MAP1A: variants seen among roughly 807,000 people sequenced by gnomAD.
MAP1A encodes the protein microtubule associated protein 1A, also known as microtubule-associated protein 1A.
A neutral mutation model predicts 185.9 loss-of-function variants in MAP1A; 42 were observed. The ratio of observed to expected loss-of-function variants is 0.23; its 90% confidence interval spans 0.18 to 0.29. The LOEUF (loss-of-function observed/expected upper bound fraction) is 0.29, where lower values mean the gene tolerates loss of function less well. Ranked by LOEUF, MAP1A falls within the 10% of genes least tolerant of loss-of-function variation. The pLI, the probability that MAP1A is intolerant of heterozygous loss-of-function variation, is 1.00. For synonymous variants in MAP1A, 1,229 were observed against 1,335.9 expected, an observed-to-expected ratio of 0.92 and a Z score of 1.74; for missense variants, 2,995 against 3,450.4, an observed-to-expected ratio of 0.87 and a Z score of 3.31.
chr15:43,515,099 C>T (rs1420889046), upstream of MAP1A, among the ~76,000 whole-genome samples: 1 of 152,098 alleles, frequency 6.6e-6, no homozygotes, highest in Non-Finnish European at 1.5e-5. Context: ...CCTGTAATCC[C>T]AGCTACTCGG....
chr15:43,512,579 T>C (rs1460863551), intron 2 of MAP1A, among the ~76,000 whole-genome samples: 1 of 152,224 alleles, frequency 6.6e-6, no homozygotes, highest in African/African-American at 2.4e-5. Context: ...CTCTTAGTGA[T>C]CAATCATCTC....
chr15:43,521,772 G>A lies in MAP1A; in HGVS notation c.299G>A (p.Gly100Glu). 6.2e-7 allele frequency: 1 copy of A among 1,614,226 alleles called. No individual in the cohort carries two copies. The change falls in exon 4 of 6, where the codon GGA becomes GAA. Residue 100 changes from glycine (G) to glutamate (E), a missense_variant. This residue lies in a region of MAP1A where 264 missense variants were observed against 435.3 expected (regional missense o/e 0.61). Coordinates refer to ENST00000300231, the MANE Select transcript of MAP1A (RefSeq NM_002373.6). This position sits in a 1 kb window ranked among gnomAD's most constrained non-coding sequence, Gnocchi z 4.6. ...GCAGACAACCTGCCAGGCATCAATG[G>A]ACTACTGCAGCGCAAAGTGGCAGAG... The part of the protein sequence containing the change: ...IGADNLPGIN[G>E]LLQRKVAELE...
At chr15:43,511,104 G>A (rs2079274552) in exon 1 of MAP1A, 1 of 1,550,292 alleles carries the variant, frequency 6.5e-7, no homozygotes, top group African/African-American at 1.4e-5. Context: ...GAGCTGCTGT[G>A]CGAGGCCGGA....
Position 43,530,295 on chromosome 15 carries a change from T to C in MAP1A, c.*71T>C. The C allele has an allele frequency of 6.3e-7, 1 of 1,581,340 alleles. No individual in the cohort carries two copies. The highest frequency in any genetic ancestry group is 1.2e-5 in the South Asian group (1 of 85,504). On this transcript the variant is annotated 3_prime_UTR_variant, in exon 6 of 6. Transcript: ENST00000300231. The stretch of plus-strand genomic sequence containing the variant: ...TAGAGAATGGCTACTGCTGAGTCCT[T>C]TGGGGTTGAGGGAGATGGGAGCTAG...
Position 43,523,267 on chromosome 15 carries a change from G to A in MAP1A, c.1794G>A (p.Glu598=). 6.2e-7 allele frequency: 1 copy of A among 1,613,786 alleles called. No homozygotes were observed. Residue 598 remains glutamate, a synonymous_variant, in exon 4 of 6, where the codon GAG becomes GAA. Transcript: ENST00000300231. The part of the protein sequence containing the change: ...HVMKEKELVP[E]VPEEQGSKDR... The stretch of plus-strand genomic sequence containing the variant: ...TGAAGGAGAAAGAGCTTGTCCCAGA[G>A]GTCCCTGAGGAACAAGGCAGCAAGG...
At position 43,521,093 on chromosome 15, in the gene MAP1A, A is replaced by G; in HGVS notation, c.-170A>G. 1 of 1,548,494 alleles carries G rather than the reference A, an allele frequency of 6.5e-7. No homozygotes were observed. The highest frequency in any genetic ancestry group is 8.7e-7 in the Non-Finnish European group (1 of 1,146,964). ...ACCTACTCATATGAAAACTTTGCCC[A>G]GGTCCTTCACAACCCCGAGGTAAGT... On this transcript the variant is annotated 5_prime_UTR_variant, in exon 3 of 6. Transcript: ENST00000300231. This position sits in a 1 kb window ranked among gnomAD's most constrained non-coding sequence, Gnocchi z 4.6.
chr15:43,518,585 G>T (rs534970762), intron 1 of MAP1A, among the ~76,000 whole-genome samples: 1 of 152,090 alleles, frequency 6.6e-6, no homozygotes, highest in South Asian at 2.1e-4. Flanking sequence ...AGCTGGAGCC[G>T]GAGCTCAGCG....
Position 43,524,216 on chromosome 15 carries a change from T to A in MAP1A, c.2743T>A (p.Phe915Ile). ...KGFKSPPCED[F>I]SVTGESEKRG... ...CTTCAAATCACCACCCTGTGAGGAC[T>A]TCTCTGTGACTGGGGAGTCAGAGAA... The change falls in exon 4 of 6, where the codon TTC becomes ATC. Residue 915 changes from phenylalanine to isoleucine, a missense_variant. Phe to Ile is a conservative substitution (Grantham distance 21). Transcript: ENST00000300231. 1 of 1,614,150 alleles carries A rather than the reference T, an allele frequency of 6.2e-7. No homozygotes were observed. The highest frequency in any genetic ancestry group is 8.5e-7 in the Non-Finnish European group (1 of 1,180,022).
exon 1 of MAP1A, chr15:43,511,072 A>G (rs1181706620): frequency 6.5e-7 from 1 of 1,549,620 alleles, no homozygotes; most frequent in East Asian, 2.4e-5. Context: ...GTCCCGGCGC[A>G]CCGCTGGCTC....
At chr15:43,511,175 G>T in exon 1 of MAP1A, 1 of 1,550,580 alleles carries the variant, frequency 6.4e-7, no homozygotes. Flanking sequence ...TGTGATCGGC[G>T]ATATCGGTAC....
rs950160155 is a variant in MAP1A, at chr15:43,527,817, G to T, written c.6344G>T (p.Arg2115Leu). The T allele has an allele frequency of 2.5e-6, 4 of 1,613,636 alleles. No individual in the cohort carries two copies. Among genetic ancestry groups the T allele is most frequent in the Admixed American group, 3.3e-5 (2 of 59,970 alleles). ...GACTCAGAACTGGAGAAGGGGGCTC[G>T]GGAACAGCCAGAAAAAGAGGCCCAA... is the stretch of plus-strand genomic sequence containing the variant. ...TSDSELEKGA[R>L]EQPEKEAQSP... The change falls in exon 4 of 6, where the codon CGG (arginine) becomes CTG (leucine). Residue 2115 changes from arginine (R) to leucine (L), a missense_variant. By Grantham distance (102) the Arg-to-Leu change is moderately radical. Transcript: ENST00000300231.
rs773865133 is a variant in MAP1A, at chr15:43,522,822, A to G, written c.1349A>G (p.Lys450Arg). The G allele has an allele frequency of 3.6e-5, 58 of 1,590,438 alleles. No individual in the cohort carries two copies. Among genetic ancestry groups the G allele is most frequent in the Non-Finnish European group, 4.7e-5 (55 of 1,167,030 alleles). ...KKDAKKEEKR[K>R]DTKPELKKIS... is the part of the protein sequence containing the mutation. ...GATGCCAAGAAGGAGGAGAAGAGGA[A>G]AGATACCAAACCTGAGCTCAAGAAG... Residue 450 changes from lysine (K) to arginine (R), a missense_variant, in exon 4 of 6, where the codon AAA becomes AGA. This residue lies in a region of MAP1A where 2,728 missense variants were observed against 2,986.0 expected (regional missense o/e 0.91). Transcript: ENST00000300231. The surrounding 1 kb of genome is among the most constrained non-coding windows in gnomAD (Gnocchi z 5.9).
At chr15:43,518,718 G>GCCC (rs1472602466) in intron 1 of MAP1A, among the ~76,000 whole-genome samples, 8 of 78,296 alleles carry the variant, frequency 1.0e-4, no homozygotes, top group African/African-American at 2.6e-4. Context: ...ACCCCCCCCC[G>GCCC]CAACTCCAGC....
In MAP1A at chr15:43,521,989, G is replaced by C. The variant is rs1302140857; in HGVS notation, c.516G>C (p.Gln172His). The part of the protein sequence containing the change: ...TLQHLNRLGI[Q>H]AEPLYRVVSN... ...AGCACTTAAACCGCCTGGGCATCCA[G>C]GCTGAGCCTCTATATCGTGTGGTCA... Residue 172 changes from glutamine (Q) to histidine (H), a missense_variant, in exon 4 of 6, where the codon CAG becomes CAC. Gln to His is a conservative substitution (Grantham distance 24, BLOSUM62 0). Coordinates refer to ENST00000300231, the MANE Select transcript of MAP1A (RefSeq NM_002373.6). This position sits in a 1 kb window ranked among gnomAD's most constrained non-coding sequence, Gnocchi z 4.6. 4 of 1,614,204 alleles carry C rather than the reference G, an allele frequency of 2.5e-6. No individual in the cohort carries two copies. The highest frequency in any genetic ancestry group is 2.7e-5 in the African/African-American group (2 of 75,058).
Position 43,529,744 on chromosome 15 carries a change from C to T in MAP1A, c.8130C>T (p.Asp2710=), listed in dbSNP as rs2079363688. The T allele has an allele frequency of 1.9e-6, 3 of 1,614,214 alleles. No homozygotes were observed. Among genetic ancestry groups the T allele is most frequent in the Non-Finnish European group, 2.5e-6 (3 of 1,180,036 alleles). The change falls in exon 5 of 6, where the codon GAC becomes GAT. Residue 2710 remains aspartate (D), a synonymous_variant. Coordinates refer to ENST00000300231, the MANE Select transcript of MAP1A (RefSeq NM_002373.6). The surrounding 1 kb of genome is among the most constrained non-coding windows in gnomAD (Gnocchi z 4.3). ...GCAGTGGCAAGACTGCTGACCTTGA[C>T]TTCTTCCGTCGAGTGCGTGCATCCT... ...NHCSGKTADL[D]FFRRVRASYY... is the part of the protein sequence containing the mutation.
chr15:43,516,759 T>C (rs141077982), upstream of MAP1A, among the ~76,000 whole-genome samples: 15 of 152,360 alleles, frequency 9.8e-5, no homozygotes, highest in Non-Finnish European at 1.6e-4. Flanking sequence ...TTTTTTAATC[T>C]AAAGAGTACT....
At chr15:43,518,563 G>A (rs2079306970) in intron 1 of MAP1A, among the ~76,000 whole-genome samples, 1 of 151,986 alleles carries the variant, frequency 6.6e-6, no homozygotes, top group Non-Finnish European at 1.5e-5. Flanking sequence ...CTGGGGTGGG[G>A]GGTGGGGGCG....
At position 43,528,824 on chromosome 15, in the gene MAP1A, T is replaced by A. The variant is rs1022265247; in HGVS notation, c.7351T>A (p.Ser2451Thr). The part of the protein sequence containing the change: ...PRPHRGELSP[S>T]FLNPPLPPSI... Reference sequence around the variant, plus strand: ...GCCCCATCGTGGGGAGCTCTCCCCATCCTTCCTGAACCCACCTCTGCCCCC... The same window carrying A: ...GCCCCATCGTGGGGAGCTCTCCCCAACCTTCCTGAACCCACCTCTGCCCCC... The change falls in exon 4 of 6, where the codon TCC becomes ACC. Residue 2451 changes from serine to threonine, a missense_variant. Ser to Thr is a moderately conservative substitution (Grantham distance 58). Around this residue, in one of 3 missense-constraint regions of MAP1A, gnomAD observed 2,728 missense variants for 2,986.0 expected, o/e 0.91. Coordinates refer to ENST00000300231, the MANE Select transcript of MAP1A (RefSeq NM_002373.6). 9 of 1,613,320 alleles carry A rather than the reference T, an allele frequency of 5.6e-6. No individual in the cohort carries two copies. Among genetic ancestry groups the A allele is most frequent in the African/African-American group, 1.3e-5 (1 of 74,828 alleles).
At position 43,524,803 on chromosome 15, in the gene MAP1A, C is replaced by T. The variant is rs748036622; in HGVS notation, c.3330C>T (p.Gly1110=). The T allele has an allele frequency of 6.2e-7, 1 of 1,614,038 alleles. No homozygotes were observed. The highest frequency in any genetic ancestry group is 8.5e-7 in the Non-Finnish European group (1 of 1,180,028). Residue 1110 remains glycine, a synonymous_variant, in exon 4 of 6, where the codon GGC becomes GGT. Coordinates refer to ENST00000300231, the MANE Select transcript of MAP1A (RefSeq NM_002373.6). ...FEIMEAGEPT[G]PILGAEALPG... ...TTATGGAGGCAGGAGAGCCCACAGG[C>T]CCAATTCTGGGAGCAGAAGCCCTTC...
Sources: allele counts gnomAD v4.1 joint callset (sites outside exome capture counted in the v4.1 genomes callset), GRCh38; gene constraint gnomAD v4.1.1; regional missense constraint gnomAD v4.1.1; non-coding constraint Gnocchi (gnomAD v3.1); transcripts MANE v1.5; gene names NCBI Gene and HGNC (gene_info 2026-07-23, HGNC 2026-07-21).